The following EYS variants were observed in gnomAD, a reference collection of about 807,000 sequenced individuals.
EYS encodes the protein EGF-like photoreceptor maintenance factor.
Under a neutral mutation model 282.1 loss-of-function variants are expected in EYS, and 250 were observed. That is an observed-to-expected ratio of 0.89 (90% CI 0.80 to 0.98). EYS has a LOEUF of 0.98. Among genes scored for constraint, EYS ranks in the 50% least tolerant of loss-of-function variants. The pLI, the probability that EYS is intolerant of heterozygous loss-of-function variation, is 0.00. For missense variants in EYS, 4,016 were observed against 3,709.0 expected, an observed-to-expected ratio of 1.08 and a Z score of -2.15; for synonymous variants, 1,355 against 1,282.9, an observed-to-expected ratio of 1.06 and a Z score of -1.20.
intron 31 of EYS, among the ~76,000 whole-genome samples, chr6:64,186,723 T>C (rs960807309): frequency 1.3e-5 from 2 of 152,108 alleles, no homozygotes; most frequent in African/African-American, 4.8e-5. Context: ...CCTCTATCCC[T>C]TATTAGGTGT....
intron 1 of EYS, among the ~76,000 whole-genome samples, chr6:65,700,141 T>TAAAAAAAAAAAA (rs1554225521): frequency 7.0e-5 from 7 of 99,718 alleles, no homozygotes; most frequent in South Asian, 3.5e-4. Context: ...AAAAAAAAAC[T>TAAAAAAAAAAAA]ATATTAAAAC....
At chr6:64,588,028 G>A (rs1456794073) in intron 26 of EYS, among the ~76,000 whole-genome samples, 1 of 151,998 alleles carries the variant, frequency 6.6e-6, no homozygotes, top group Non-Finnish European at 1.5e-5. Context: ...ATGGAGTCTG[G>A]AAAGAAGATT....
At chr6:64,593,521 A>T (rs923813025) in intron 24 of EYS, among the ~76,000 whole-genome samples, 1 of 152,154 alleles carries the variant, frequency 6.6e-6, no homozygotes, top group Non-Finnish European at 1.5e-5. Flanking sequence ...GCACAGTTGC[A>T]TGCCCAAATT....
intron 33 of EYS, among the ~76,000 whole-genome samples, chr6:64,051,991 C>T (rs1038556402): frequency 2.0e-5 from 3 of 152,074 alleles, no homozygotes; most frequent in Admixed American, 6.6e-5. Context: ...CATGTGGCTC[C>T]ATGCAAGTCT....
chr6:64,950,693 TAAC>T (rs1338036939), intron 14 of EYS, among the ~76,000 whole-genome samples: 14 of 148,470 alleles, frequency 9.4e-5, no homozygotes, highest in South Asian at 2.1e-4. Flanking sequence ...GTACTTACAT[TAAC>T]AACAACTACC....
intron 12 of EYS, among the ~76,000 whole-genome samples, chr6:65,179,290 A>G (rs1765310497): frequency 6.6e-6 from 1 of 152,112 alleles, no homozygotes; most frequent in Admixed American, 6.6e-5. Flanking sequence ...GTTTTTTGAA[A>G]AGATCAACAA....
At chr6:64,329,494 G>T (rs1480663346) in intron 29 of EYS, among the ~76,000 whole-genome samples, 1 of 152,050 alleles carries the variant, frequency 6.6e-6, no homozygotes, top group Non-Finnish European at 1.5e-5. Context: ...GATGCATTTT[G>T]CCAGTGGGAA....
intron 31 of EYS, among the ~76,000 whole-genome samples, chr6:64,157,516 T>C (rs1419975432): frequency 6.6e-6 from 1 of 152,100 alleles, no homozygotes. Flanking sequence ...CTACAGCCCC[T>C]CCATTACAGG....
intron 30 of EYS, among the ~76,000 whole-genome samples, chr6:64,303,183 G>A (rs576838472): frequency 9.9e-4 from 151 of 152,198 alleles, no homozygotes; most frequent in Non-Finnish European, 1.1e-3. Flanking sequence ...ACCGACTTCC[G>A]GCTTCTAACA....
At chr6:64,350,190 G>A (rs117300511) in intron 29 of EYS, among the ~76,000 whole-genome samples, 2,757 of 151,292 alleles carry the variant, frequency 0.018, 26 homozygotes, top group South Asian at 0.034. Context: ...TCAGATCATC[G>A]TATTACTTCA....
chr6:65,409,539 G>A (rs1766891939), intron 5 of EYS, among the ~76,000 whole-genome samples: 1 of 152,106 alleles, frequency 6.6e-6, no homozygotes, highest in Non-Finnish European at 1.5e-5. Flanking sequence ...TTGGACAATT[G>A]ATACATGTTA....
At position 65,522,570 on chromosome 6, in the gene EYS, T is replaced by C. The variant is rs11968629; in HGVS notation, c.-332-26577A>G. On this transcript the variant is annotated intron_variant, in intron 2 of 42. Transcript: ENST00000503581. ...GCTGGGGTGTTAGTGTTCTTAAGTT[T>C]TGAAATATGTATGCATATTTTTGTA... Among the ~76,000 whole-genome samples the C allele has an allele frequency of 7.7e-3, 1,175 of 152,294 alleles. 19 individuals carry two copies. The highest frequency in any genetic ancestry group is 0.025 in the African/African-American group (1,052 of 41,558).
At chr6:64,729,242 T>C (rs916369349) in intron 22 of EYS, among the ~76,000 whole-genome samples, 3 of 152,204 alleles carry the variant, frequency 2.0e-5, no homozygotes, top group African/African-American at 7.2e-5. Flanking sequence ...CCTCCTATCC[T>C]TATCACTACT....
At chr6:64,798,494 G>A (rs1015942261) in intron 22 of EYS, among the ~76,000 whole-genome samples, 1 of 151,438 alleles carries the variant, frequency 6.6e-6, no homozygotes, top group Non-Finnish European at 1.5e-5. Context: ...AAGCACATGC[G>A]ACGGATGCCA....
At chr6:64,022,684 A>G (rs1312339913) in intron 33 of EYS, among the ~76,000 whole-genome samples, 1 of 152,180 alleles carries the variant, frequency 6.6e-6, no homozygotes, top group African/African-American at 2.4e-5. Context: ...GCCTGCTCCA[A>G]CCTGAAACCA....
At chr6:64,210,659 A>C (rs1168747070) in intron 31 of EYS, among the ~76,000 whole-genome samples, 1 of 152,176 alleles carries the variant, frequency 6.6e-6, no homozygotes. Flanking sequence ...GCAATGATTA[A>C]ATTCAAGATT....
chr6:64,078,286 T>C (rs1247949779), intron 32 of EYS, among the ~76,000 whole-genome samples: 1 of 152,116 alleles, frequency 6.6e-6, no homozygotes, highest in African/African-American at 2.4e-5. Flanking sequence ...AATCAACACC[T>C]AATATTTGAA....
intron 2 of EYS, among the ~76,000 whole-genome samples, chr6:65,581,263 T>C (rs1048884906): frequency 1.3e-5 from 2 of 152,008 alleles, no homozygotes; most frequent in Admixed American, 6.6e-5. Flanking sequence ...CTAGGACTGG[T>C]TCAAGAATTT....
chr6:64,385,475 T>C (rs1264396655), intron 29 of EYS, among the ~76,000 whole-genome samples: 1 of 152,200 alleles, frequency 6.6e-6, no homozygotes, highest in Non-Finnish European at 1.5e-5. Flanking sequence ...AAGGTAACTT[T>C]ATTGGTCCAA....
Sources: gnomAD v4.1 joint callset for allele counts (sites outside exome capture counted in the v4.1 genomes callset) on GRCh38, gnomAD v4.1.1 for gene constraint, MANE v1.5 for transcripts, NCBI Gene and HGNC (gene_info 2026-07-23, HGNC 2026-07-21) for gene names.